VPS13D: variants seen among roughly 807,000 people sequenced by gnomAD.
VPS13D encodes intermembrane lipid transfer protein VPS13D.
A neutral mutation model predicts 461.9 loss-of-function variants in VPS13D; 187 were observed. That is an observed-to-expected ratio of 0.40 (90% CI 0.36 to 0.46). The LOEUF (loss-of-function observed/expected upper bound fraction) is 0.46. Ranked by LOEUF, VPS13D falls within the 20% of genes least tolerant of loss-of-function variation. The pLI, the probability that VPS13D is intolerant of heterozygous loss-of-function variation, is 0.60. For missense variants in VPS13D, 4,711 were observed against 5,364.9 expected, an observed-to-expected ratio of 0.88 and a Z score of 3.81; for synonymous variants, 1,951 against 1,986.3, an observed-to-expected ratio of 0.98 and a Z score of 0.47.
At chr1:12,433,931 T>TGAGA (rs374176072) in intron 65 of VPS13D, among the ~76,000 whole-genome samples, 19 of 126,464 alleles carry the variant, frequency 1.5e-4, no homozygotes, top group South Asian at 2.5e-4. Flanking sequence ...AGAGAGAGAG[T>TGAGA]GAGAGAGAGA....
intron 65 of VPS13D, among the ~76,000 whole-genome samples, chr1:12,422,045 T>C (rs1174058139): frequency 1.3e-5 from 2 of 152,180 alleles, no homozygotes; most frequent in African/African-American, 2.4e-5. Flanking sequence ...GCCAGGCTGG[T>C]CTTGAACTCC....
chr1:12,460,180 A>G (rs1388752050), intron 66 of VPS13D, 21 bp from the exon 67 acceptor site: 28 of 1,549,974 alleles, frequency 1.8e-5, no homozygotes, highest in Non-Finnish European at 2.4e-5. Context: ...AGGTTACAAC[A>G]GCCCTTGTCT....
chr1:12,369,590 G>A lies in VPS13D; in HGVS notation c.10696G>A (p.Val3566Ile). Residue 3566 changes from valine to isoleucine, a missense_variant, in exon 54 of 70, where the codon GTT becomes ATT. This residue lies in a region of VPS13D where 4,411 missense variants were observed against 4,937.8 expected (regional missense o/e 0.89). Coordinates refer to ENST00000620676, the MANE Select transcript of VPS13D (RefSeq NM_015378.4). ...CTTGCCACCTTTTATCACTCTGACT[G>A]TTAAAGGGGCAGGGTCCTCTGAGAT... ...PTLPPFITLT[V>I]KGAGSSEINC... 1.9e-6 allele frequency: 3 copies of A among 1,614,164 alleles called. No individual in the cohort carries two copies. The highest frequency in any genetic ancestry group is 1.1e-5 in the South Asian group (1 of 91,088).
intron 36 of VPS13D, among the ~76,000 whole-genome samples, chr1:12,329,191 A>G (rs1446628199): frequency 1.3e-5 from 2 of 152,054 alleles, no homozygotes; most frequent in African/African-American, 4.8e-5. Context: ...ATCATTTTTC[A>G]GGTAGAAATA....
intron 40 of VPS13D, among the ~76,000 whole-genome samples, chr1:12,339,931 A>G (rs774673230): frequency 6.6e-6 from 1 of 152,178 alleles, no homozygotes; most frequent in Non-Finnish European, 1.5e-5. Flanking sequence ...TTTTAAATCT[A>G]ATTTGCAAAT....
Position 12,277,792 on chromosome 1 carries a change from T to C in VPS13D, c.4204T>C (p.Leu1402=), listed in dbSNP as rs1641660035. Residue 1402 remains leucine (L), a synonymous_variant, in exon 19 of 70, where the codon TTG becomes CTG. Coordinates refer to ENST00000620676, the MANE Select transcript of VPS13D (RefSeq NM_015378.4). ...PGSPELLVGH[L]GQIFIQNFVA... is the part of the protein sequence containing the mutation. ...GAGTCCTGAGTTGTTGGTGGGACAC[T>C]TGGGACAGATATTCATCCAGAATTT... is the stretch of plus-strand genomic sequence containing the variant. 1.2e-6 allele frequency: 2 copies of C among 1,614,084 alleles called. No individual in the cohort carries two copies. Among genetic ancestry groups the C allele is most frequent in the African/African-American group, 1.3e-5 (1 of 74,944 alleles).
intron 45 of VPS13D, 65 bp downstream of exon 45, chr1:12,349,038 C>G: frequency 6.2e-7 from 1 of 1,610,316 alleles, no homozygotes. Context: ...TGTCAAGTCT[C>G]TTTTTCCCCA....
intron 14 of VPS13D, 98 bp from the exon 15 acceptor site, chr1:12,267,747 G>A (rs1178497778): frequency 1.9e-6 from 2 of 1,062,952 alleles, no homozygotes; most frequent in Admixed American, 1.8e-5. Context: ...ATTTGATGGT[G>A]CTAAGGGAGT....
At chr1:12,248,300 T>C (rs1179029448) in intron 5 of VPS13D, among the ~76,000 whole-genome samples, 4 of 152,086 alleles carry the variant, frequency 2.6e-5, no homozygotes, top group African/African-American at 9.7e-5. Context: ...TTTCTCCCAT[T>C]CTGTGGATTG....
Position 12,257,954 on chromosome 1 carries a change from T to C in VPS13D, c.961T>C (p.Phe321Leu). ...TTTCAGCTGCCGAGAATGGTGGTAT[T>C]TTGCTTTGAATGCTAACTTGTATGA... is the stretch of plus-strand genomic sequence containing the variant. ...ISKNCREWWY[F>L]ALNANLYEIR... is the part of the protein sequence containing the mutation. Residue 321 changes from phenylalanine (F) to leucine (L), a missense_variant, in exon 10 of 70, where the codon TTT becomes CTT. By Grantham distance (22) the Phe-to-Leu change is conservative. Coordinates refer to ENST00000620676, the MANE Select transcript of VPS13D (RefSeq NM_015378.4). 1 of 1,614,142 alleles carries C rather than the reference T, an allele frequency of 6.2e-7. No individual in the cohort carries two copies. Among genetic ancestry groups the C allele is most frequent in the Non-Finnish European group, 8.5e-7 (1 of 1,180,034 alleles).
At chr1:12,420,830 A>G (rs141364430) in intron 65 of VPS13D, among the ~76,000 whole-genome samples, 124 of 152,334 alleles carry the variant, frequency 8.1e-4, no homozygotes, top group African/African-American at 2.9e-3. Context: ...CCTGAGGAGC[A>G]AAAGAGATGA....
Position 12,452,739 on chromosome 1 carries a change from G to A in VPS13D, c.12334-3259G>A, listed in dbSNP as rs114346063. On this transcript the variant is annotated intron_variant, in intron 65 of 69. Transcript: ENST00000620676. ...GGCTTTGGTTTAGTTTCTGTAAAAC[G>A]TCTTTCCCAGTAAAATCTGATTAAC... 7.7e-3 allele frequency among the ~76,000 whole-genome samples: 1,169 copies of A among 152,310 alleles called. 17 individuals are homozygous for A. Among genetic ancestry groups the A allele is most frequent in the African/African-American group, 0.025 (1,027 of 41,562 alleles).
chr1:12,314,445 A>C, intron 30 of VPS13D, 118 bp downstream of exon 30: 2 of 981,282 alleles, frequency 2.0e-6, no homozygotes, highest in Non-Finnish European at 3.1e-6. Flanking sequence ...TAAATAGATA[A>C]TGGCTTAATC....
In VPS13D at chr1:12,276,828, T is replaced by A. The variant is rs1373201399; in HGVS notation, c.3240T>A (p.Ile1080=). 1 of 1,614,152 alleles carries A rather than the reference T, an allele frequency of 6.2e-7. No homozygotes were observed. Among genetic ancestry groups the A allele is most frequent in the South Asian group, 1.1e-5 (1 of 91,080 alleles). ...KILTKEQESL[I]KLEYQFVSSE... is the part of the protein sequence containing the mutation. ...TTACCAAAGAGCAAGAGTCCCTTAT[T>A]AAGTTGGAATATCAGTTTGTGAGTT... The change falls in exon 19 of 70, where the codon ATT becomes ATA. Residue 1080 remains isoleucine, a synonymous_variant. Transcript: ENST00000620676. The surrounding 1 kb of genome is among the most constrained non-coding windows in gnomAD (Gnocchi z 4.5).
intron 23 of VPS13D, among the ~76,000 whole-genome samples, chr1:12,292,594 C>G (rs1012775318): frequency 3.3e-5 from 5 of 152,082 alleles, no homozygotes; most frequent in Middle Eastern, 3.4e-3. Flanking sequence ...CATGCACCAT[C>G]ACACCCGGCT....
chr1:12,431,442 T>C (rs1243042424), intron 65 of VPS13D, among the ~76,000 whole-genome samples: 7 of 150,444 alleles, frequency 4.7e-5, no homozygotes, highest in African/African-American at 1.2e-4. Flanking sequence ...AACCCAGGCT[T>C]TCTGGCTACA....
rs375147111 is a variant in VPS13D, at chr1:12,297,429, G to A, written c.6034-1773G>A. ...CACTTCTTCATTCACCTAGCAACTG[G>A]TATAGTAAAGTAATGCTGTGCGTTA... On this transcript the variant is annotated intron_variant, in intron 24 of 69. Coordinates refer to ENST00000620676, the MANE Select transcript of VPS13D (RefSeq NM_015378.4). Among the ~76,000 whole-genome samples, 11 of 152,236 alleles carry A rather than the reference G, an allele frequency of 7.2e-5. No individual in the cohort carries two copies. The East Asian group carries it at 1.9e-3, about 27-fold the overall frequency.
At chr1:12,239,493 C>T (rs1013422970) in intron 2 of VPS13D, among the ~76,000 whole-genome samples, 1 of 152,186 alleles carries the variant, frequency 6.6e-6, no homozygotes, top group Non-Finnish European at 1.5e-5. Context: ...TCCCCACATT[C>T]GAGGTGGAAT....
At chr1:12,474,765 C>T (rs1339939681) in intron 67 of VPS13D, among the ~76,000 whole-genome samples, 1 of 152,148 alleles carries the variant, frequency 6.6e-6, no homozygotes, top group African/African-American at 2.4e-5. Flanking sequence ...TTAACTGTTG[C>T]CTTTTGAGCC....
Sources: gnomAD v4.1 joint callset for allele counts (sites outside exome capture counted in the v4.1 genomes callset) on GRCh38, gnomAD v4.1.1 for gene constraint, gnomAD v4.1.1 regional missense constraint, Gnocchi (gnomAD v3.1) non-coding constraint, MANE v1.5 for transcripts, NCBI Gene and HGNC (gene_info 2026-07-23, HGNC 2026-07-21) for gene names.